Variants in PCDHGB1 observed in about 807,000 individuals in gnomAD.
The protein encoded by PCDHGB1 is protocadherin gamma-B1.
PCDHGB1 carries 34 observed loss-of-function variants against 56.6 expected under a neutral mutation model. The ratio of observed to expected loss-of-function variants is 0.60; its 90% confidence interval spans 0.46 to 0.80. PCDHGB1 has a LOEUF of 0.80. PCDHGB1 is among the 30% of genes least tolerant of loss of function. The pLI is 0.00. For synonymous variants in PCDHGB1, 561 were observed against 505.9 expected (o/e 1.11, Z -1.46); for missense variants, 1,278 against 1,204.6 (o/e 1.06, Z -0.90).
At chr5:141,492,578 G>A (rs1380328678) in intron 1 of PCDHGB1, among the ~76,000 whole-genome samples, 1 of 152,216 alleles carries the variant, frequency 6.6e-6, no homozygotes, top group Non-Finnish European at 1.5e-5. Flanking sequence ...CGAGGCGCGG[G>A]GCCAGGAGCG....
At position 141,409,894 on chromosome 5, in the gene PCDHGB1, C is replaced by A. The variant is rs1440813020; in HGVS notation, c.2409+57225C>A. The A allele has an allele frequency of 2.5e-6, 4 of 1,613,196 alleles. No homozygotes were observed. In the Admixed American group the frequency reaches 5.0e-5, roughly 20 times the overall value. ...ATGACAACGCACCGCGGGTGCTGTACCCAGCTCTGGGTCCTGACGGCTCCG... is the reference window on the plus strand; with the variant it reads ...ATGACAACGCACCGCGGGTGCTGTAACCAGCTCTGGGTCCTGACGGCTCCG... On this transcript the variant is annotated intron_variant, in intron 1 of 3. Transcript: ENST00000523390.
chr5:141,455,759 A>G (rs1013283124), intron 1 of PCDHGB1, among the ~76,000 whole-genome samples: 4 of 152,300 alleles, frequency 2.6e-5, no homozygotes, highest in South Asian at 4.1e-4. Context: ...CCTGGCTCCT[A>G]GAGCCGGGGC....
chr5:141,352,540 G>A lies in PCDHGB1; in HGVS notation c.2280G>A (p.Glu760=), dbSNP rs1249935769. Residue 760 remains glutamate, a synonymous_variant, in exon 1 of 4, where the codon GAG becomes GAA. Transcript: ENST00000523390. The part of the protein sequence containing the change: ...LCIASHSAKT[E]FNSLNLTPEM... ...TTGCCTCTCATTCTGCAAAGACAGA[G>A]TTTAATTCTCTCAACCTGACACCGG... The A allele has an allele frequency of 9.9e-6, 16 of 1,613,862 alleles. No homozygotes were observed. The highest frequency in any genetic ancestry group is 1.3e-5 in the Non-Finnish European group (15 of 1,179,898).
At chr5:141,375,948 A>C in intron 1 of PCDHGB1, 1 of 1,613,556 alleles carries the variant, frequency 6.2e-7, no homozygotes, top group Non-Finnish European at 8.5e-7. Context: ...GTGGGCCTGC[A>C]CACGGGCGAG....
Position 141,371,428 on chromosome 5 carries a change from C to T in PCDHGB1, c.2409+18759C>T, listed in dbSNP as rs763264073. On this transcript the variant is annotated intron_variant, in intron 1 of 3. Coordinates refer to ENST00000523390, the MANE Select transcript of PCDHGB1 (RefSeq NM_018922.3). ...ATTTCAGATGAAAATGACAATGCCCCGGAGATAACCCTGGCTTCTGAATCC... is the reference window on the plus strand; with the variant it reads ...ATTTCAGATGAAAATGACAATGCCCTGGAGATAACCCTGGCTTCTGAATCC... 3.7e-6 allele frequency: 6 copies of T among 1,613,772 alleles called. No individual in the cohort carries two copies. The African/African-American group carries it at 5.3e-5, about 14-fold the overall frequency.
chr5:141,450,815 ATAT>A (rs1420984335), intron 1 of PCDHGB1, among the ~76,000 whole-genome samples: 6 of 126,742 alleles, frequency 4.7e-5, no homozygotes, highest in South Asian at 2.4e-4. Flanking sequence ...TATTTATTTA[ATAT>A]TATTATTATT....
In PCDHGB1 at chr5:141,371,791, C is replaced by G. The variant is rs758674133; in HGVS notation, c.2409+19122C>G. The stretch of plus-strand genomic sequence containing the variant: ...ACCGTGCATGTAGCTGAGAACAATC[C>G]GCCTGGAGCCTCCATTGCGCATGTC... On this transcript the variant is annotated intron_variant, in intron 1 of 3. Transcript: ENST00000523390. 6.2e-7 allele frequency: 1 copy of G among 1,613,938 alleles called. No homozygotes were observed. Among genetic ancestry groups the G allele is most frequent in the East Asian group, 2.2e-5 (1 of 44,884 alleles).
At chr5:141,447,214 A>G (rs2098530358) in intron 1 of PCDHGB1, among the ~76,000 whole-genome samples, 1 of 152,092 alleles carries the variant, frequency 6.6e-6, no homozygotes, top group Admixed American at 6.6e-5. Context: ...ATCTCGGCTC[A>G]CTGCAACCTC....
chr5:141,386,113 A>G (rs187458187), intron 1 of PCDHGB1: 12 of 152,338 alleles, frequency 7.9e-5, no homozygotes, highest in Admixed American at 2.0e-4. Context: ...TGGGCTATCA[A>G]AGTGGGAGAT....
In PCDHGB1 at chr5:141,350,490, A is replaced by G; in HGVS notation, c.230A>G (p.Glu77Gly). 2 of 1,614,006 alleles carry G rather than the reference A, an allele frequency of 1.2e-6. No homozygotes were observed. The highest frequency in any genetic ancestry group is 1.7e-6 in the Non-Finnish European group (2 of 1,179,900). The change falls in exon 1 of 4, where the codon GAG becomes GGG. Residue 77 changes from glutamate to glycine, a missense_variant. Physicochemically the swap from Glu to Gly is moderately conservative, Grantham distance 98. Coordinates refer to ENST00000523390, the MANE Select transcript of PCDHGB1 (RefSeq NM_018922.3). Reference sequence around the variant, plus strand: ...GAGGATTATTTCAACGTTAGTTTGGAGAGCGGGGATTTGTTAGTGAACGGT... The same window carrying G: ...GAGGATTATTTCAACGTTAGTTTGGGGAGCGGGGATTTGTTAGTGAACGGT... The part of the protein sequence containing the change: ...SAEDYFNVSL[E>G]SGDLLVNGRI...
intron 1 of PCDHGB1, chr5:141,389,914 C>A (rs754458764): frequency 1.2e-6 from 2 of 1,613,956 alleles, no homozygotes; most frequent in African/African-American, 2.7e-5. Flanking sequence ...ACTGACCGCC[C>A]CGACCCCTCT....
At chr5:141,484,347 T>C (rs569724902) in intron 1 of PCDHGB1, among the ~76,000 whole-genome samples, 2 of 152,302 alleles carry the variant, frequency 1.3e-5, no homozygotes, top group East Asian at 1.9e-4. Flanking sequence ...AATGGTAATT[T>C]AGTGTATCTA....
intron 1 of PCDHGB1, among the ~76,000 whole-genome samples, chr5:141,461,248 C>A (rs1209563726): frequency 6.6e-6 from 1 of 152,038 alleles, no homozygotes; most frequent in Non-Finnish European, 1.5e-5. Context: ...AATTTATATT[C>A]CCAGCAGCAA....
chr5:141,429,376 T>TG (rs2097206796), intron 1 of PCDHGB1, among the ~76,000 whole-genome samples: 1 of 144,558 alleles, frequency 6.9e-6, no homozygotes, highest in Non-Finnish European at 1.5e-5. Context: ...GGAGAAAATG[T>TG]GTTTTTTTTT....
chr5:141,507,023 C>T (rs971356315), intron 3 of PCDHGB1: 16 of 152,348 alleles, frequency 1.1e-4, no homozygotes, highest in African/African-American at 2.4e-4. Flanking sequence ...AAGGCACTTG[C>T]CCCAGGGTCC....
intron 1 of PCDHGB1, chr5:141,356,928 G>C (rs1760394420): frequency 1.2e-6 from 2 of 1,614,088 alleles, no homozygotes; most frequent in East Asian, 4.5e-5. Flanking sequence ...CTGGTGTGGA[G>C]CTGGCACCCC....
At chr5:141,505,282 G>C (rs73280377) in intron 2 of PCDHGB1, 111 bp from the exon 3 acceptor site, 37,017 of 1,544,812 alleles carry the variant, frequency 0.024, 1,115 homozygotes, top group African/African-American at 0.15. Context: ...AACAGGTCTT[G>C]GGCATGGGGT....
chr5:141,461,058 T>C (rs1450016344), intron 1 of PCDHGB1, among the ~76,000 whole-genome samples: 2 of 152,010 alleles, frequency 1.3e-5, no homozygotes, highest in Admixed American at 1.3e-4. Context: ...CTTAGGTTGG[T>C]TTCACATTTT....
At chr5:141,460,580 G>A (rs1037056676) in intron 1 of PCDHGB1, among the ~76,000 whole-genome samples, 7 of 152,160 alleles carry the variant, frequency 4.6e-5, no homozygotes, top group African/African-American at 1.4e-4. Flanking sequence ...ATGTAGGTGT[G>A]GGTTTTTTCT....
Sources: gnomAD v4.1 joint callset for allele counts (sites outside exome capture counted in the v4.1 genomes callset) on GRCh38, gnomAD v4.1.1 for gene constraint, MANE v1.5 for transcripts, NCBI Gene and HGNC (gene_info 2026-07-23, HGNC 2026-07-21) for gene names.